Variants in ALDH1A2 observed in about 807,000 individuals in gnomAD.
The protein encoded by ALDH1A2 is retinal dehydrogenase 2.
A neutral mutation model predicts 60.3 loss-of-function variants in ALDH1A2; 27 were observed. The observed-to-expected ratio is 0.45, with a 90% CI of 0.33 to 0.62. The LOEUF (loss-of-function observed/expected upper bound fraction) is 0.62. Ranked by LOEUF, ALDH1A2 falls within the 20% of genes least tolerant of loss-of-function variation. The pLI is 0.02. For missense variants in ALDH1A2, 581 were observed against 643.8 expected (o/e 0.90, Z 1.06); for synonymous variants, 289 against 232.4 (o/e 1.24, Z -2.21).
chr15:58,056,800 A>C (rs1301242041), intron 1 of ALDH1A2, among the ~76,000 whole-genome samples: 1 of 151,998 alleles, frequency 6.6e-6, no homozygotes, highest in East Asian at 1.9e-4. Context: ...TCTCACAAGA[A>C]ATCAAGGAAA....
At chr15:58,062,976 T>C (rs1897081833) in intron 1 of ALDH1A2, among the ~76,000 whole-genome samples, 1 of 152,200 alleles carries the variant, frequency 6.6e-6, no homozygotes, top group Admixed American at 6.5e-5. Context: ...GCAAAGGCAG[T>C]AACTTTTAAT....
rs548984474 is a variant in ALDH1A2, at chr15:57,996,815, G to T, written c.494-1676C>A. On this transcript the variant is annotated intron_variant, in intron 4 of 12. Coordinates refer to ENST00000249750, the MANE Select transcript of ALDH1A2 (RefSeq NM_003888.4). Reference sequence around the variant, plus strand: ...ATTTTTCCTACTCTTTAACACTGAGGTTTTTCCAACATTTTCATTTCAGCT... The same window carrying T: ...ATTTTTCCTACTCTTTAACACTGAGTTTTTTCCAACATTTTCATTTCAGCT... Among the ~76,000 whole-genome samples, 3 of 151,984 alleles carry T rather than the reference G, an allele frequency of 2.0e-5. No homozygotes were observed. In the East Asian group the frequency reaches 5.8e-4, roughly 29 times the overall value.
intron 8 of ALDH1A2, chr15:57,964,291 A>G: frequency 1.8e-6 from 1 of 562,694 alleles, no homozygotes. Context: ...TTATTCTGCA[A>G]ACAGAGGTAC....
intron 7 of ALDH1A2, among the ~76,000 whole-genome samples, chr15:57,986,729 G>C (rs1894716915): frequency 6.6e-6 from 1 of 152,082 alleles, no homozygotes; most frequent in Admixed American, 6.5e-5. Context: ...CTGGAGTGCG[G>C]TGGTGTGATC....
rs1893468246 is a variant in ALDH1A2, at chr15:57,954,974, C to T, written c.*223G>A. On this transcript the variant is annotated 3_prime_UTR_variant, in exon 13 of 13. Coordinates refer to ENST00000249750, the MANE Select transcript of ALDH1A2 (RefSeq NM_003888.4). ...CTCCTCCTCCCTTTATCCCACTTTC[C>T]CCAATATTTGGTATGATTAAGGTGG... 5.0e-6 allele frequency: 3 copies of T among 601,846 alleles called. No homozygotes were observed. The highest frequency in any genetic ancestry group is 8.9e-6 in the Non-Finnish European group (3 of 336,268). 37.3% of individuals were successfully genotyped at this position (601,846 alleles called of 1,614,324 possible).
intron 7 of ALDH1A2, among the ~76,000 whole-genome samples, chr15:57,985,461 T>C (rs1020223990): frequency 1.3e-5 from 2 of 152,194 alleles, no homozygotes; most frequent in Non-Finnish European, 2.9e-5. Flanking sequence ...TTAATTCCCA[T>C]GACCCTGAGA....
intron 1 of ALDH1A2, among the ~76,000 whole-genome samples, chr15:58,046,217 T>A (rs1896635737): frequency 6.6e-6 from 1 of 152,058 alleles, no homozygotes; most frequent in Non-Finnish European, 1.5e-5. Context: ...GTTGTATTCC[T>A]GTGTTAAAAC....
chr15:58,057,956 A>G lies in ALDH1A2; in HGVS notation c.117+7578T>C, dbSNP rs1315662614. On this transcript the variant is annotated intron_variant, in intron 1 of 12. Transcript: ENST00000249750. ...AATTAAAATTAAATTTTATAATAAA[A>G]TTAAATAATACAATTATATTATCAA... 3.3e-6 allele frequency: 3 copies of G among 900,590 alleles called. No homozygotes were observed. In the East Asian group the frequency reaches 1.0e-4, roughly 30 times the overall value. 55.8% of individuals were successfully genotyped at this position (900,590 alleles called of 1,614,324 possible).
chr15:58,040,366 G>C (rs1468270644), intron 1 of ALDH1A2, among the ~76,000 whole-genome samples: 1 of 151,862 alleles, frequency 6.6e-6, no homozygotes. Context: ...ACAACCTGCA[G>C]ACAGATAATC....
At chr15:58,007,105 C>T (rs1895485732) in intron 4 of ALDH1A2, among the ~76,000 whole-genome samples, 1 of 151,770 alleles carries the variant, frequency 6.6e-6, no homozygotes, top group Admixed American at 6.6e-5. Flanking sequence ...GTTCAGTGTT[C>T]ATAAATCAAC....
At chr15:58,039,648 A>G (rs779617440) in intron 1 of ALDH1A2, among the ~76,000 whole-genome samples, 3 of 151,878 alleles carry the variant, frequency 2.0e-5, no homozygotes, top group Non-Finnish European at 4.4e-5. Context: ...CCATTTCTTT[A>G]TAATAGAGAC....
chr15:57,966,512 G>T (rs1001217782), intron 7 of ALDH1A2, among the ~76,000 whole-genome samples: 5 of 152,204 alleles, frequency 3.3e-5, no homozygotes, highest in African/African-American at 1.2e-4. Context: ...TAGAGCCCCT[G>T]CTCAAGGCAG....
intron 7 of ALDH1A2, among the ~76,000 whole-genome samples, chr15:57,977,870 C>T (rs1384925924): frequency 6.6e-6 from 1 of 152,134 alleles, no homozygotes; most frequent in East Asian, 1.9e-4. Context: ...CCTCTCATTT[C>T]CTTGAGGAGT....
At chr15:58,065,157 C>A in intron 1 of ALDH1A2, 1 of 292,326 alleles carries the variant, frequency 3.4e-6, no homozygotes, top group South Asian at 2.9e-5. Context: ...GGCCAGGCTG[C>A]GTGGCCAAGC....
At chr15:57,973,170 A>G (rs929518578) in intron 7 of ALDH1A2, among the ~76,000 whole-genome samples, 3 of 152,232 alleles carry the variant, frequency 2.0e-5, no homozygotes, top group Non-Finnish European at 4.4e-5. Context: ...AGAAAACACT[A>G]TACCAAGCAA....
At chr15:58,025,576 A>T (rs1324646398) in intron 1 of ALDH1A2, among the ~76,000 whole-genome samples, 2 of 152,228 alleles carry the variant, frequency 1.3e-5, no homozygotes, top group African/African-American at 4.8e-5. Context: ...TCTACCAAAC[A>T]TACAAAGAAT....
chr15:58,060,459 ATATCTTT>A, intron 1 of ALDH1A2, among the ~76,000 whole-genome samples: 2 of 136,192 alleles, frequency 1.5e-5, no homozygotes, highest in South Asian at 2.3e-4. Flanking sequence ...GATGCCACAC[ATATCTTT>A]TTTTTTTTTT....
chr15:57,954,312 C>G lies in ALDH1A2; in HGVS notation c.*885G>C, dbSNP rs1451522318. The G allele has an allele frequency of 7.2e-5, 11 of 152,626 alleles. No individual in the cohort carries two copies. Among genetic ancestry groups the G allele is most frequent in the African/African-American group, 2.4e-4 (10 of 41,444 alleles). 9.5% of individuals were successfully genotyped at this position (152,626 alleles called of 1,614,324 possible). On this transcript the variant is annotated 3_prime_UTR_variant, in exon 13 of 13. Coordinates refer to ENST00000249750, the MANE Select transcript of ALDH1A2 (RefSeq NM_003888.4). ...AAACTGAATGATGTCTGCAAGGCAT[C>G]CAGCATTATCAAATTCTTGGGCCTA... is the stretch of plus-strand genomic sequence containing the variant.
At chr15:58,065,405 G>A in intron 1 of ALDH1A2, 129 bp downstream of exon 1, 3 of 854,324 alleles carry the variant, frequency 3.5e-6, no homozygotes, top group Non-Finnish European at 6.0e-6. Context: ...CCTCTGCTGC[G>A]CCGGGATGAC....
Sources: allele counts gnomAD v4.1 joint callset (sites outside exome capture counted in the v4.1 genomes callset), GRCh38; gene constraint gnomAD v4.1.1; transcripts MANE v1.5; gene names NCBI Gene and HGNC (gene_info 2026-07-23, HGNC 2026-07-21).